TBC1D12: variants seen among roughly 807,000 people sequenced by gnomAD.
TBC1D12 encodes the protein TBC1 domain family, member 12.
TBC1D12 carries 56 observed loss-of-function variants against 86.7 expected under a neutral mutation model. The observed-to-expected ratio is 0.65, with a 90% CI of 0.52 to 0.81. The LOEUF (loss-of-function observed/expected upper bound fraction) is 0.81. TBC1D12 is among the 30% of genes least tolerant of loss of function. The pLI is 0.00. For missense variants in TBC1D12, 1,023 were observed against 1,038.8 expected, an observed-to-expected ratio of 0.98 and a Z score of 0.21; for synonymous variants, 421 against 411.7, an observed-to-expected ratio of 1.02 and a Z score of -0.27.
intron 1 of TBC1D12, among the ~76,000 whole-genome samples, chr10:94,422,762 G>T (rs1269267300): frequency 6.6e-6 from 1 of 151,792 alleles, no homozygotes; most frequent in East Asian, 2.0e-4. Context: ...TTAGAGATGG[G>T]TGTTTCAGTA....
Position 94,465,740 on chromosome 10 carries a change from A to ACG in TBC1D12, c.1096-8927_1096-8926insGC, listed in dbSNP as rs201191431. On this transcript the variant is annotated intron_variant, in intron 2 of 12. Transcript: ENST00000225235. The stretch of plus-strand genomic sequence containing the variant: ...TATACATACATACATACATACGTAT[A>ACG]CATACATACATATGTATACATACAT... Among the ~76,000 whole-genome samples the ACG allele has an allele frequency of 6.8e-5, 10 of 146,394 alleles. No individual in the cohort carries two copies. The East Asian group carries it at 1.2e-3, about 17-fold the overall frequency.
intron 12 of TBC1D12, 111 bp downstream of exon 12, chr10:94,531,571 A>C: frequency 8.6e-7 from 1 of 1,162,788 alleles, no homozygotes; most frequent in Non-Finnish European, 1.1e-6. Flanking sequence ...TTTTAAAAAT[A>C]ATTTTTGACT....
chr10:94,428,269 A>G (rs1177346732), intron 1 of TBC1D12, among the ~76,000 whole-genome samples: 1 of 149,280 alleles, frequency 6.7e-6, no homozygotes, highest in East Asian at 2.0e-4. Context: ...GCCAAGAGAA[A>G]TGTTTGGAAC....
chr10:94,406,936 G>T (rs1349829634), intron 1 of TBC1D12, among the ~76,000 whole-genome samples: 5 of 152,030 alleles, frequency 3.3e-5, no homozygotes, highest in Non-Finnish European at 5.9e-5. Context: ...TACAACCTTT[G>T]TTCACTTTAT....
intron 1 of TBC1D12, among the ~76,000 whole-genome samples, chr10:94,416,605 C>T (rs773054278): frequency 6.6e-6 from 1 of 152,118 alleles, no homozygotes; most frequent in Non-Finnish European, 1.5e-5. Flanking sequence ...TCTATGTATA[C>T]TAGGCACATA....
chr10:94,442,965 T>A (rs2055403086), intron 2 of TBC1D12, among the ~76,000 whole-genome samples: 1 of 152,226 alleles, frequency 6.6e-6, no homozygotes, highest in South Asian at 2.1e-4. Context: ...TCTTTTTGCA[T>A]TTGAATAAAA....
At chr10:94,506,285 C>A (rs1226174021) in intron 6 of TBC1D12, among the ~76,000 whole-genome samples, 1 of 151,916 alleles carries the variant, frequency 6.6e-6, no homozygotes, top group Admixed American at 6.6e-5. Context: ...GTGATCCACC[C>A]GCCTCGGCCT....
At chr10:94,408,193 T>TC (rs1037236624) in intron 1 of TBC1D12, among the ~76,000 whole-genome samples, 1 of 152,208 alleles carries the variant, frequency 6.6e-6, no homozygotes, top group African/African-American at 2.4e-5. Flanking sequence ...TGATTTTTTT[T>TC]CCCAAGTCTT....
chr10:94,514,419 G>A (rs925842821), intron 9 of TBC1D12, among the ~76,000 whole-genome samples: 7 of 152,018 alleles, frequency 4.6e-5, no homozygotes, highest in Admixed American at 2.0e-4. Context: ...TTTGATTATC[G>A]TCTTCCCCAC....
chr10:94,455,249 G>C (rs941293752), intron 2 of TBC1D12, among the ~76,000 whole-genome samples: 1 of 151,732 alleles, frequency 6.6e-6, no homozygotes, highest in East Asian at 1.9e-4. Flanking sequence ...ACTTGGTCAT[G>C]GTATAGAATT....
intron 2 of TBC1D12, among the ~76,000 whole-genome samples, chr10:94,446,361 A>C (rs1373713093): frequency 1.3e-5 from 2 of 152,218 alleles, no homozygotes; most frequent in Admixed American, 1.3e-4. Context: ...TAAGCTGTTA[A>C]GGCTTTAGGA....
intron 3 of TBC1D12, among the ~76,000 whole-genome samples, chr10:94,486,579 A>G (rs1357884932): frequency 1.3e-5 from 2 of 151,890 alleles, no homozygotes; most frequent in Non-Finnish European, 2.9e-5. Flanking sequence ...TCAGGAGGAT[A>G]TTGTTTAATT....
intron 2 of TBC1D12, among the ~76,000 whole-genome samples, chr10:94,447,240 T>TGGA (rs1304390739): frequency 6.6e-6 from 1 of 152,048 alleles, no homozygotes; most frequent in East Asian, 1.9e-4. Flanking sequence ...TTTTTACATG[T>TGGA]ATATATTTTG....
chr10:94,462,793 TTC>T (rs2055749641), intron 2 of TBC1D12, among the ~76,000 whole-genome samples: 2 of 152,206 alleles, frequency 1.3e-5, no homozygotes, highest in African/African-American at 4.8e-5. Context: ...AATTTTTATC[TTC>T]TCTTTTTCAT....
chr10:94,495,938 C>G (rs2056314434), intron 4 of TBC1D12, among the ~76,000 whole-genome samples: 2 of 151,968 alleles, frequency 1.3e-5, no homozygotes, highest in Non-Finnish European at 2.9e-5. Flanking sequence ...TCTGTCTCTA[C>G]TAAAAATACA....
rs758730680 is a variant in TBC1D12, at chr10:94,533,753, A to G, written c.*657A>G. 1 of 152,162 alleles carries G rather than the reference A, an allele frequency of 6.6e-6. No individual in the cohort carries two copies. The highest frequency in any genetic ancestry group is 6.5e-5 in the Admixed American group (1 of 15,282). The allele number at this position is 152,162 out of a possible 1,614,324, so 9.4% of individuals were successfully genotyped here. On this transcript the variant is annotated 3_prime_UTR_variant, in exon 13 of 13. Transcript: ENST00000225235. ...TTTTTGTCTTCCTTAAGGAATTCCT[A>G]TCACTCAGAGAATTTTAGCCATTCT...
At chr10:94,522,531 T>A in intron 11 of TBC1D12, 78 bp downstream of exon 11, 1 of 639,412 alleles carries the variant, frequency 1.6e-6, no homozygotes, top group Non-Finnish European at 2.6e-6. Context: ...GGAACTAGAG[T>A]AAATCTCATG....
intron 1 of TBC1D12, among the ~76,000 whole-genome samples, chr10:94,415,814 A>G (rs1053019270): frequency 2.6e-5 from 4 of 152,224 alleles, no homozygotes; most frequent in African/African-American, 7.2e-5. Flanking sequence ...TAATTGAACA[A>G]ATAACTGGAG....
intron 2 of TBC1D12, among the ~76,000 whole-genome samples, chr10:94,447,995 T>C (rs892365133): frequency 1.3e-5 from 2 of 151,722 alleles, no homozygotes; most frequent in African/African-American, 4.8e-5. Context: ...AAAACGAAAT[T>C]GTAGTGCTTA....
Sources: allele counts gnomAD v4.1 joint callset (sites outside exome capture counted in the v4.1 genomes callset), GRCh38; gene constraint gnomAD v4.1.1; transcripts MANE v1.5; gene names NCBI Gene and HGNC (gene_info 2026-07-23, HGNC 2026-07-21).